The following GRM7 variants were observed in gnomAD, a reference collection of about 807,000 sequenced individuals.
The protein encoded by GRM7 is metabotropic glutamate receptor 7.
GRM7 carries 35 observed loss-of-function variants against 84.5 expected under a neutral mutation model. That is an observed-to-expected ratio of 0.41 (90% CI 0.32 to 0.55). GRM7 has a LOEUF of 0.55. GRM7 is among the 20% of genes least tolerant of loss of function. The pLI, the probability that GRM7 is intolerant of heterozygous loss-of-function variation, is 0.19. For synonymous variants in GRM7, 487 were observed against 455.1 expected, an observed-to-expected ratio of 1.07 and a Z score of -0.89; for missense variants, 1,003 against 1,194.6, an observed-to-expected ratio of 0.84 and a Z score of 2.36.
intron 1 of GRM7, among the ~76,000 whole-genome samples, chr3:7,087,406 T>TA (rs1698497724): frequency 7.1e-6 from 1 of 140,384 alleles, no homozygotes; most frequent in East Asian, 2.1e-4. Context: ...TTTTTTTTTT[T>TA]ACCCCAACCG....
At chr3:6,921,423 G>C (rs924331843) in intron 1 of GRM7, among the ~76,000 whole-genome samples, 2 of 152,168 alleles carry the variant, frequency 1.3e-5, no homozygotes, top group South Asian at 2.1e-4. Flanking sequence ...CCTGTGCCCC[G>C]AGGGAAAGCG....
intron 9 of GRM7, among the ~76,000 whole-genome samples, chr3:7,723,662 A>C (rs1702027482): frequency 6.6e-6 from 1 of 152,132 alleles, no homozygotes; most frequent in African/African-American, 2.4e-5. Flanking sequence ...GAGCCTCGGT[A>C]ACATAATAAG....
rs1575518362 is a variant in GRM7 at position 7,579,342 on chromosome 3, T to G, written c.2436T>G (p.Ala812=). The G allele has an allele frequency of 5.8e-6, 9 of 1,554,462 alleles. No individual in the cohort carries two copies. Among genetic ancestry groups the G allele is most frequent in the South Asian group, 1.2e-5 (1 of 83,048 alleles). ...LAFIPIFFGT[A]QSAEKLYIQT... ...TCATTCCAATTTTTTTTGGCACCGC[T>G]CAATCAGCGGAAAAGGTAAGTGAAA... is the stretch of plus-strand genomic sequence containing the variant. The change falls in exon 8 of 10, where the codon GCT becomes GCG. Residue 812 remains alanine, a synonymous_variant. Transcript: ENST00000357716.
chr3:6,876,014 C>A (rs1259739905), intron 1 of GRM7, among the ~76,000 whole-genome samples: 1 of 152,000 alleles, frequency 6.6e-6, no homozygotes, highest in Non-Finnish European at 1.5e-5. Context: ...ACGCGTGTAA[C>A]CATAGCACTT....
chr3:7,301,904 T>G (rs1700015601), intron 3 of GRM7, among the ~76,000 whole-genome samples: 2 of 152,152 alleles, frequency 1.3e-5, no homozygotes, highest in African/African-American at 4.8e-5. Flanking sequence ...TCAGATACTT[T>G]GTCAAAGGCT....
At chr3:7,410,821 T>A (rs17047265) in intron 4 of GRM7, among the ~76,000 whole-genome samples, 2,282 of 152,228 alleles carry the variant, frequency 0.015, 66 homozygotes, top group African/African-American at 0.053. Flanking sequence ...ACAACAGGAT[T>A]TTTTATTTAC....
chr3:7,328,734 C>T (rs1404903034), intron 4 of GRM7, among the ~76,000 whole-genome samples: 1 of 152,140 alleles, frequency 6.6e-6, no homozygotes, highest in Admixed American at 6.6e-5. Flanking sequence ...TAGCTAAATG[C>T]ATTCCTCTCT....
chr3:7,439,592 A>T (rs1029750024), intron 5 of GRM7, among the ~76,000 whole-genome samples: 5 of 152,218 alleles, frequency 3.3e-5, no homozygotes, highest in African/African-American at 1.2e-4. Context: ...GTGACAAACA[A>T]GTCAAGACAT....
chr3:7,325,841 C>T (rs10510357), intron 4 of GRM7, among the ~76,000 whole-genome samples: 63,057 of 151,914 alleles, frequency 0.42, 13,139 homozygotes, highest in Middle Eastern at 0.49. Context: ...TTATGAGCTT[C>T]CTCCCAAATT....
intron 1 of GRM7, among the ~76,000 whole-genome samples, chr3:6,921,065 G>A (rs1365417141): frequency 6.6e-6 from 1 of 152,142 alleles, no homozygotes; most frequent in African/African-American, 2.4e-5. Context: ...ACTTCTGAAG[G>A]CATCCGTCAC....
intron 1 of GRM7, among the ~76,000 whole-genome samples, chr3:7,110,746 A>C (rs1450435164): frequency 6.6e-6 from 1 of 152,076 alleles, no homozygotes; most frequent in Non-Finnish European, 1.5e-5. Flanking sequence ...AGGCTCATGG[A>C]TAAAGCATAG....
intron 2 of GRM7, among the ~76,000 whole-genome samples, chr3:7,187,640 G>A (rs1409884734): frequency 6.8e-6 from 1 of 147,930 alleles, no homozygotes; most frequent in Non-Finnish European, 1.5e-5. Flanking sequence ...GCAGCTCAGG[G>A]CAATTGCAGT....
intron 1 of GRM7, among the ~76,000 whole-genome samples, chr3:7,114,309 C>T (rs1299974395): frequency 2.0e-5 from 3 of 152,136 alleles, no homozygotes; most frequent in Admixed American, 6.6e-5. Flanking sequence ...TGAAGATGCT[C>T]AGTCCCTTCA....
chr3:7,671,016 G>A (rs1416705961), intron 8 of GRM7, among the ~76,000 whole-genome samples: 1 of 152,186 alleles, frequency 6.6e-6, no homozygotes, highest in African/African-American at 2.4e-5. Flanking sequence ...TCTCAAACCA[G>A]CAGGAATGGT....
chr3:7,220,029 G>A (rs186187816), intron 2 of GRM7, among the ~76,000 whole-genome samples: 82 of 152,274 alleles, frequency 5.4e-4, no homozygotes, highest in African/African-American at 1.9e-3. Flanking sequence ...ATAATTCAAA[G>A]TATAACATGG....
chr3:7,084,069 C>T (rs1229069542), intron 1 of GRM7, among the ~76,000 whole-genome samples: 8 of 151,918 alleles, frequency 5.3e-5, no homozygotes, highest in East Asian at 1.9e-4. Context: ...AGATGGGAAC[C>T]GTAGGGGCAG....
chr3:7,669,168 A>G (rs544355922), intron 8 of GRM7, among the ~76,000 whole-genome samples: 1 of 152,360 alleles, frequency 6.6e-6, no homozygotes, highest in South Asian at 2.1e-4. Context: ...CACGTATAAA[A>G]GAAATATGCA....
chr3:7,735,147 T>C (rs368745383), intron 9 of GRM7, among the ~76,000 whole-genome samples: 4 of 152,292 alleles, frequency 2.6e-5, no homozygotes, highest in East Asian at 3.9e-4. Context: ...CTGTGAATCA[T>C]GTTTAATAGG....
rs141304666 is a variant in GRM7, at chr3:7,098,955, C to T, written c.520-47497C>T. On this transcript the variant is annotated intron_variant, in intron 1 of 9. Coordinates refer to ENST00000357716, the MANE Select transcript of GRM7 (RefSeq NM_000844.4). ...TGGCTATCAAATATGCTCTCTGATG[C>T]CTGTGGGTTTTTCTTTATTTCAGTA... Among the ~76,000 whole-genome samples, 22 of 151,872 alleles carry T rather than the reference C, an allele frequency of 1.4e-4. No individual in the cohort carries two copies. In the East Asian group the frequency reaches 4.3e-3, roughly 29 times the overall value.
Sources: allele counts gnomAD v4.1 joint callset (sites outside exome capture counted in the v4.1 genomes callset), GRCh38; gene constraint gnomAD v4.1.1; transcripts MANE v1.5; gene names NCBI Gene and HGNC (gene_info 2026-07-23, HGNC 2026-07-21).